Variants in PLEKHM1 observed in about 807,000 individuals in gnomAD.
PLEKHM1 encodes pleckstrin homology and RUN domain containing M1.
PLEKHM1 carries 28 observed loss-of-function variants against 94.3 expected under a neutral mutation model. That is an observed-to-expected ratio of 0.30 (90% CI 0.22 to 0.41). The LOEUF (loss-of-function observed/expected upper bound fraction) is 0.41, where lower values mean the gene tolerates loss of function less well. PLEKHM1 is among the 10% of genes least tolerant of loss of function. The pLI, the probability that PLEKHM1 is intolerant of heterozygous loss-of-function variation, is 1.00. For missense variants in PLEKHM1, 907 were observed against 1,358.6 expected, an observed-to-expected ratio of 0.67 and a Z score of 5.22; for synonymous variants, 424 against 581.2, an observed-to-expected ratio of 0.73 and a Z score of 3.89.
At chr17:45,481,834 G>A (rs1482814585) in intron 2 of PLEKHM1, among the ~76,000 whole-genome samples, 2 of 152,240 alleles carry the variant, frequency 1.3e-5, no homozygotes, top group East Asian at 3.9e-4. Context: ...GGGAGGAAAG[G>A]AAATCCTGGC....
intron 5 of PLEKHM1, 142 bp downstream of exon 5, chr17:45,468,067 T>A: frequency 1.2e-6 from 1 of 819,824 alleles, no homozygotes; most frequent in South Asian, 1.5e-5. Flanking sequence ...CCCATCATCA[T>A]GATGCTATTA....
chr17:45,455,656 C>T (rs1305348294), intron 6 of PLEKHM1, among the ~76,000 whole-genome samples: 1 of 152,202 alleles, frequency 6.6e-6, no homozygotes, highest in Non-Finnish European at 1.5e-5. Context: ...TCGCAGCCTA[C>T]ATCAGCAAAT....
intron 5 of PLEKHM1, among the ~76,000 whole-genome samples, chr17:45,467,727 C>T (rs71373584): frequency 1.3e-5 from 2 of 152,022 alleles, no homozygotes; most frequent in Non-Finnish European, 2.9e-5. Context: ...TGCCACTGCA[C>T]TCCAGCCTGG....
rs1598004694 is a variant in PLEKHM1 at position 45,481,308 on chromosome 17, A to G, written c.48+1129T>C. On this transcript the variant is annotated intron_variant, in intron 2 of 11. Transcript: ENST00000430334. ...TATACATTCTGGATACTAGACCCTT[A>G]TCAGATATTTGATTTGCAAATATTT... Among the ~76,000 whole-genome samples, 5 of 152,066 alleles carry G rather than the reference A, an allele frequency of 3.3e-5. No homozygotes were observed. In the East Asian group the frequency reaches 9.6e-4, roughly 29 times the overall value.
In PLEKHM1 at chr17:45,437,776, A is replaced by G. The variant is rs765960735; in HGVS notation, c.*82T>C. 1 of 1,054,690 alleles carries G rather than the reference A, an allele frequency of 9.5e-7. No homozygotes were observed. The highest frequency in any genetic ancestry group is 1.3e-5 in the South Asian group (1 of 79,420). The allele number at this position is 1,054,690 out of a possible 1,614,324, so 65.3% of individuals were successfully genotyped here. On this transcript the variant is annotated 3_prime_UTR_variant, in exon 12 of 12. Transcript: ENST00000430334. The surrounding 1 kb of genome is among the most constrained non-coding windows in gnomAD (Gnocchi z 4.0). The stretch of plus-strand genomic sequence containing the variant: ...GGGACACAGCTGTGACACGGTGAGT[A>G]TCCTGGGCTGATGGCAAACCCAGCC...
At chr17:45,434,297 G>A (rs1438601127), downstream of PLEKHM1, 2 of 152,164 alleles carry the variant, frequency 1.3e-5, no homozygotes, top group African/African-American at 4.8e-5. Context: ...CTGCTGCTTG[G>A]CGGCTGGTAG....
At chr17:45,468,636 C>A (rs200798377) in intron 4 of PLEKHM1, 43 bp from the exon 5 acceptor site, 2 of 1,606,828 alleles carry the variant, frequency 1.2e-6, no homozygotes, top group East Asian at 2.2e-5. Context: ...AGGTTGTCTG[C>A]GATAATGCCC....
At chr17:45,463,366 T>C (rs2905465) in intron 5 of PLEKHM1, among the ~76,000 whole-genome samples, 18,493 of 151,432 alleles carry the variant, frequency 0.12, 1,511 homozygotes, top group Middle Eastern at 0.21. Flanking sequence ...AGAGAGTGCA[T>C]GCATGAACAC....
At position 45,475,489 on chromosome 17, in the gene PLEKHM1, G is replaced by C; in HGVS notation, c.534C>G (p.Leu178=). Residue 178 remains leucine, a synonymous_variant, in exon 4 of 12, where the codon CTC becomes CTG. Transcript: ENST00000430334. The part of the protein sequence containing the change: ...LQGLTSLSFE[L]SYKSAILNEW... The stretch of plus-strand genomic sequence containing the variant: ...CATTTAAGATGGCAGACTTGTAGGA[G>C]AGTTCGAAGGACAAGGACGTGAGGC... 3 of 1,612,450 alleles carry C rather than the reference G, an allele frequency of 1.9e-6. No individual in the cohort carries two copies. Among genetic ancestry groups the C allele is most frequent in the Admixed American group, 1.7e-5 (1 of 59,964 alleles).
intron 1 of PLEKHM1, among the ~76,000 whole-genome samples, chr17:45,488,743 A>G (rs1016476813): frequency 2.0e-5 from 3 of 152,182 alleles, no homozygotes; most frequent in Non-Finnish European, 4.4e-5. Context: ...GTTGGAGACC[A>G]GCCTGATCAA....
chr17:45,473,765 A>G (rs2051602984), intron 4 of PLEKHM1, among the ~76,000 whole-genome samples: 1 of 151,978 alleles, frequency 6.6e-6, no homozygotes, highest in Admixed American at 6.6e-5. Flanking sequence ...TCACCGTGTT[A>G]GCCAGAAAGG....
intron 6 of PLEKHM1, chr17:45,454,475 C>T (rs1478048743): frequency 4.8e-5 from 31 of 642,384 alleles, no homozygotes; most frequent in South Asian, 2.3e-4. Context: ...GCTGCTCTTG[C>T]GTCCTGTATT....
intron 1 of PLEKHM1, among the ~76,000 whole-genome samples, chr17:45,483,143 G>A (rs895565199): frequency 6.6e-6 from 1 of 151,842 alleles, no homozygotes; most frequent in Non-Finnish European, 1.5e-5. Context: ...ACAGGGACGT[G>A]TCTAACCGGG....
chr17:45,473,606 T>G (rs1051999765), intron 4 of PLEKHM1, among the ~76,000 whole-genome samples: 2 of 152,092 alleles, frequency 1.3e-5, no homozygotes, highest in African/African-American at 4.8e-5. Context: ...TCACCCAGGC[T>G]GGAGTGCAGT....
Position 45,436,374 on chromosome 17 carries a change from T to C in PLEKHM1, c.*1484A>G, listed in dbSNP as rs1380562685. On this transcript the variant is annotated 3_prime_UTR_variant, in exon 12 of 12. Coordinates refer to ENST00000430334, the MANE Select transcript of PLEKHM1 (RefSeq NM_014798.3). ...GGAGAAGCTGTGCGCAGCCTCCACC[T>C]GCCTGCCACCGTTGCCTCTGTTCTG... The C allele has an allele frequency of 4.4e-6, 2 of 454,144 alleles. No individual in the cohort carries two copies. The highest frequency in any genetic ancestry group is 8.8e-6 in the Non-Finnish European group (2 of 226,784). 28.1% of individuals were successfully genotyped at this position (454,144 alleles called of 1,614,324 possible).
Position 45,458,364 on chromosome 17 carries a change from G to A in PLEKHM1, c.1384C>T (p.His462Tyr), listed in dbSNP as rs1263142085. The change falls in exon 6 of 12, where the codon CAC (histidine) becomes TAC (tyrosine). Residue 462 changes from histidine to tyrosine, a missense_variant. Around this residue, in one of 3 missense-constraint regions of PLEKHM1, gnomAD observed 477 missense variants for 601.5 expected, o/e 0.79. Transcript: ENST00000430334. ...GTCCCCCTGTAAGAAGCTATTGGGT[G>A]GTCTGAAGCACTCTCCAGGGGTTGC... ...REQPLESASDHPIASYRGTPG... is the reference protein window; with the variant it reads ...REQPLESASDYPIASYRGTPG... 6.2e-7 allele frequency: 1 copy of A among 1,613,876 alleles called. No homozygotes were observed. Among genetic ancestry groups the A allele is most frequent in the East Asian group, 2.2e-5 (1 of 44,894 alleles).
rs1321713690 is a variant in PLEKHM1, at chr17:45,480,597, C to T, written c.48+1840G>A. Among the ~76,000 whole-genome samples the T allele has an allele frequency of 5.3e-5, 8 of 152,206 alleles. No individual in the cohort carries two copies. In the South Asian group the frequency reaches 1.0e-3, roughly 20 times the overall value. On this transcript the variant is annotated intron_variant, in intron 2 of 11. Transcript: ENST00000430334. ...CCAGGGGCTGGGAGAAAGGGGAATACGAAGTGAATGCAGTCACTAATCTAT... is the reference window on the plus strand; with the variant it reads ...CCAGGGGCTGGGAGAAAGGGGAATATGAAGTGAATGCAGTCACTAATCTAT...
At chr17:45,456,380 G>A (rs1356348838) in intron 6 of PLEKHM1, 1 of 152,232 alleles carries the variant, frequency 6.6e-6, no homozygotes, top group Non-Finnish European at 1.5e-5. Context: ...CTGAATGAAT[G>A]AGCAGGTGAG....
chr17:45,470,902 G>A (rs1156659167), intron 4 of PLEKHM1, among the ~76,000 whole-genome samples: 5 of 151,722 alleles, frequency 3.3e-5, no homozygotes, highest in South Asian at 4.2e-4. Context: ...TCCTGACCTC[G>A]TGATCCGCCT....
Sources: allele counts gnomAD v4.1 joint callset (sites outside exome capture counted in the v4.1 genomes callset), GRCh38; gene constraint gnomAD v4.1.1; regional missense constraint gnomAD v4.1.1; non-coding constraint Gnocchi (gnomAD v3.1); transcripts MANE v1.5; gene names NCBI Gene and HGNC (gene_info 2026-07-23, HGNC 2026-07-21).